CALN1: variants seen among roughly 807,000 people sequenced by gnomAD.
CALN1 encodes the protein calcium-binding protein 8.
CALN1 carries 17 observed loss-of-function variants against 30.6 expected under a neutral mutation model. The ratio of observed to expected loss-of-function variants is 0.56; its 90% confidence interval spans 0.38 to 0.83. CALN1 has a LOEUF of 0.83. CALN1 is among the 40% of genes least tolerant of loss of function. The pLI is 0.00. For missense variants in CALN1, 291 were observed against 354.9 expected, an observed-to-expected ratio of 0.82 and a Z score of 1.45; for synonymous variants, 156 against 131.4, an observed-to-expected ratio of 1.19 and a Z score of -1.28.
chr7:72,054,492 C>CATACATACAT (rs1563015723), intron 4 of CALN1, among the ~76,000 whole-genome samples: 1 of 96,210 alleles, frequency 1.0e-5, no homozygotes, highest in South Asian at 3.2e-4. Context: ...TATATATATA[C>CATACATACAT]ATATATACAT....
At chr7:72,086,342 CA>C (rs1404863389) in intron 4 of CALN1, among the ~76,000 whole-genome samples, 1 of 152,072 alleles carries the variant, frequency 6.6e-6, no homozygotes, top group East Asian at 1.9e-4. Context: ...GGAAAAGTCC[CA>C]AATACCCTAT....
At chr7:71,852,660 T>A (rs1219848253) in intron 5 of CALN1, among the ~76,000 whole-genome samples, 1 of 152,084 alleles carries the variant, frequency 6.6e-6, no homozygotes, top group Admixed American at 6.6e-5. Flanking sequence ...ATCGTAACAT[T>A]TTACACTCCT....
At position 72,135,249 on chromosome 7, in the gene CALN1, A is replaced by G. The variant is rs1482688264; in HGVS notation, c.245-28955T>C. Among the ~76,000 whole-genome samples the G allele has an allele frequency of 2.6e-5, 4 of 152,192 alleles. No homozygotes were observed. The South Asian group carries it at 6.2e-4, about 24-fold the overall frequency. On this transcript the variant is annotated intron_variant, in intron 3 of 6. Coordinates refer to ENST00000395275, the MANE Select transcript of CALN1 (RefSeq NM_031468.4). The stretch of plus-strand genomic sequence containing the variant: ...TTTTGGCCTCCTCCCATGAATCACA[A>G]ATGTTCTTAATGGTATTGAGAACAG...
At chr7:72,203,594 C>T (rs1269883338) in intron 3 of CALN1, among the ~76,000 whole-genome samples, 3 of 152,140 alleles carry the variant, frequency 2.0e-5, no homozygotes, top group Non-Finnish European at 4.4e-5. Flanking sequence ...CTGACTACTA[C>T]AGTCCACACC....
intron 2 of CALN1, chr7:72,336,950 C>T (rs1204299082): frequency 1.0e-6 from 1 of 985,176 alleles, no homozygotes; most frequent in African/African-American, 1.7e-5. Flanking sequence ...CGAGCCCCCT[C>T]GTCGACTCGG....
intron 4 of CALN1, among the ~76,000 whole-genome samples, chr7:72,044,598 A>ATTTTTTTTTTTTTT (rs1563005478): frequency 8.7e-6 from 1 of 114,436 alleles, no homozygotes; most frequent in African/African-American, 3.5e-5. Context: ...TCCGCTTAAA[A>ATTTTTTTTTTTTTT]CTTTTTTTTT....
intron 2 of CALN1, among the ~76,000 whole-genome samples, chr7:72,302,348 C>T (rs1253994344): frequency 1.3e-5 from 2 of 152,160 alleles, no homozygotes; most frequent in Non-Finnish European, 2.9e-5. Flanking sequence ...GAACGGACAA[C>T]GTTTTAATGA....
At chr7:71,837,499 T>A (rs990664230) in intron 5 of CALN1, among the ~76,000 whole-genome samples, 2 of 152,120 alleles carry the variant, frequency 1.3e-5, no homozygotes, top group African/African-American at 4.8e-5. Context: ...TGGAGAGATA[T>A]CACTGAGTTT....
In CALN1 at chr7:71,784,641, G is replaced by A. The variant is rs1792892184; in HGVS notation, c.*3134C>T. On this transcript the variant is annotated 3_prime_UTR_variant, in exon 7 of 7. Transcript: ENST00000395275. ...CTCATCACTTGTGCTTTCCAGGGGG[G>A]CGGCGGGGGGTACCTGCTCTTGCAG... 1.3e-5 allele frequency: 5 copies of A among 394,646 alleles called. No individual in the cohort carries two copies. The highest frequency in any genetic ancestry group is 2.1e-5 in the African/African-American group (1 of 48,600). The allele number at this position is 394,646 out of a possible 1,614,324, so 24.4% of individuals were successfully genotyped here. A position where few individuals can be genotyped will look rare whatever the true frequency, so the allele number is the denominator to read the frequency against.
At chr7:72,099,795 C>T (rs775522660) in intron 4 of CALN1, among the ~76,000 whole-genome samples, 1 of 152,104 alleles carries the variant, frequency 6.6e-6, no homozygotes, top group East Asian at 1.9e-4. Context: ...TGTGCTTTTA[C>T]GTGATGGGTC....
chr7:71,944,170 G>A (rs117256309), intron 5 of CALN1, among the ~76,000 whole-genome samples: 4,252 of 152,264 alleles, frequency 0.028, 76 homozygotes, highest in Non-Finnish European at 0.04. Flanking sequence ...TGCTAGGCAG[G>A]GTGCAGTGGC....
chr7:72,267,439 A>C (rs564983125), intron 3 of CALN1, among the ~76,000 whole-genome samples: 24 of 152,316 alleles, frequency 1.6e-4, no homozygotes, highest in South Asian at 4.1e-4. Context: ...CTTTAAAAAT[A>C]TCTCTCCACC....
chr7:71,883,520 A>G (rs1792710819), intron 5 of CALN1, among the ~76,000 whole-genome samples: 1 of 152,118 alleles, frequency 6.6e-6, no homozygotes, highest in South Asian at 2.1e-4. Context: ...AGTAATAATG[A>G]GCAGGAATAA....
intron 4 of CALN1, among the ~76,000 whole-genome samples, chr7:72,059,661 C>T (rs1241119384): frequency 6.6e-6 from 1 of 152,116 alleles, no homozygotes; most frequent in East Asian, 1.9e-4. Flanking sequence ...AGACTCATGA[C>T]AGCTGATCTC....
At chr7:71,936,307 G>A (rs1795826974) in intron 5 of CALN1, among the ~76,000 whole-genome samples, 1 of 151,056 alleles carries the variant, frequency 6.6e-6, no homozygotes, top group South Asian at 2.1e-4. Flanking sequence ...GACCATGCTG[G>A]CTAACAAGGT....
At chr7:71,937,053 C>T (rs973983773) in intron 5 of CALN1, among the ~76,000 whole-genome samples, 6 of 152,188 alleles carry the variant, frequency 3.9e-5, no homozygotes, top group African/African-American at 1.4e-4. Context: ...TGTCTGTATC[C>T]ACAGCATGAA....
intron 4 of CALN1, among the ~76,000 whole-genome samples, chr7:72,048,917 C>T (rs1802659983): frequency 6.6e-6 from 1 of 152,058 alleles, no homozygotes; most frequent in African/African-American, 2.4e-5. Flanking sequence ...CCCAAGCAAT[C>T]CTCCCACTTC....
At chr7:72,475,327 C>T in the CALN1 span, among the ~76,000 whole-genome samples, 1,633 of 152,094 alleles carry the variant, frequency 0.011, 26 homozygotes, top group African/African-American at 0.037. Flanking sequence ...TGGTGGCACG[C>T]GCCTGTAGTC....
At chr7:72,161,573 G>T (rs1788111842) in intron 3 of CALN1, among the ~76,000 whole-genome samples, 1 of 152,166 alleles carries the variant, frequency 6.6e-6, no homozygotes, top group South Asian at 2.1e-4. Flanking sequence ...CTAAAATGGT[G>T]GCTGGAGGAA....
Sources: allele counts gnomAD v4.1 joint callset (sites outside exome capture counted in the v4.1 genomes callset), GRCh38; gene constraint gnomAD v4.1.1; transcripts MANE v1.5; gene names NCBI Gene and HGNC (gene_info 2026-07-23, HGNC 2026-07-21).